GFOD2: variants seen among roughly 807,000 people sequenced by gnomAD.
The protein encoded by GFOD2 is Gfo/Idh/MocA-like oxidoreductase domain containing 2, also known as glucose-fructose oxidoreductase domain-containing protein 2.
In GFOD2, 9 loss-of-function variants were observed where a neutral mutation model predicts 24.6. The ratio of observed to expected loss-of-function variants is 0.37; its 90% CI spans 0.22 to 0.64. The LOEUF (loss-of-function observed/expected upper bound fraction) is 0.64. Among genes scored for constraint, GFOD2 ranks in the 30% least tolerant of loss-of-function variants. The pLI is 0.65. For synonymous variants in GFOD2, 211 were observed against 224.8 expected (o/e 0.94, Z 0.55); for missense variants, 476 against 532.5 (o/e 0.89, Z 1.04).
At chr16:67,685,826 G>C in intron 1 of GFOD2, 24 bp from the exon 2 acceptor site, 6 of 1,289,102 alleles carry the variant, frequency 4.7e-6, no homozygotes, top group Non-Finnish European at 6.4e-6. Flanking sequence ...CATTACACTG[G>C]TTATTACTGG....
chr16:67,684,081 T>A, intron 2 of GFOD2: 1 of 196,532 alleles, frequency 5.1e-6, no homozygotes, highest in Non-Finnish European at 9.2e-6. Context: ...ATTAAAAAAA[T>A]AATTGAGGCT....
chr16:67,706,735 AT>A (rs766691291), intron 1 of GFOD2, among the ~76,000 whole-genome samples: 2 of 152,188 alleles, frequency 1.3e-5, no homozygotes, highest in Non-Finnish European at 2.9e-5. Flanking sequence ...AAAATACATC[AT>A]TAAAAAAATG....
intron 1 of GFOD2, among the ~76,000 whole-genome samples, chr16:67,700,387 T>C (rs763910464): frequency 6.8e-6 from 1 of 146,988 alleles, no homozygotes. Flanking sequence ...AAAAAAAAAA[T>C]TAAATTTAAT....
chr16:67,701,785 TAAA>T (rs1423659211), intron 1 of GFOD2, among the ~76,000 whole-genome samples: 9 of 132,488 alleles, frequency 6.8e-5, no homozygotes, highest in African/African-American at 1.1e-4. Context: ...TGACCCCACT[TAAA>T]AAAAAAAAAA....
At chr16:67,688,734 C>CTTTT (rs113977188) in intron 1 of GFOD2, among the ~76,000 whole-genome samples, 4 of 131,108 alleles carry the variant, frequency 3.1e-5, no homozygotes, top group African/African-American at 5.8e-5. Flanking sequence ...ATAAAATTTA[C>CTTTT]TTTTTTTTTT....
chr16:67,708,746 A>T (rs192311902), intron 1 of GFOD2, among the ~76,000 whole-genome samples: 1 of 152,144 alleles, frequency 6.6e-6, no homozygotes, highest in African/African-American at 2.4e-5. Context: ...ATCCAGCCCC[A>T]CACCTTCCAG....
intron 1 of GFOD2, among the ~76,000 whole-genome samples, chr16:67,692,290 TACAC>T (rs997631055): frequency 7.0e-6 from 1 of 143,420 alleles, no homozygotes; most frequent in Non-Finnish European, 1.5e-5. Context: ...AAACTAAAAA[TACAC>T]ACACAGGCTG....
chr16:67,714,426 C>T (rs938993652), intron 1 of GFOD2, among the ~76,000 whole-genome samples: 3 of 143,874 alleles, frequency 2.1e-5, no homozygotes, highest in Non-Finnish European at 4.5e-5. Context: ...TGCAGTGAGC[C>T]GGGATTGTGC....
chr16:67,696,764 C>T (rs1326274774), intron 1 of GFOD2, among the ~76,000 whole-genome samples: 4 of 152,318 alleles, frequency 2.6e-5, no homozygotes, highest in South Asian at 4.1e-4. Context: ...TGAGCCACTG[C>T]GCCCGGCCGA....
At chr16:67,688,297 TAGA>T (rs778051703) in intron 1 of GFOD2, among the ~76,000 whole-genome samples, 18 of 152,222 alleles carry the variant, frequency 1.2e-4, no homozygotes, top group African/African-American at 4.3e-4. Flanking sequence ...TTCAATGCTG[TAGA>T]AGGACTAGAA....
intron 1 of GFOD2, among the ~76,000 whole-genome samples, chr16:67,699,432 G>C (rs2053383539): frequency 6.6e-6 from 1 of 152,080 alleles, no homozygotes; most frequent in South Asian, 2.1e-4. Context: ...TGCAAGGCTG[G>C]CTCAACATTC....
chr16:67,711,660 ACTAAACTC>A (rs1488133604), intron 1 of GFOD2, among the ~76,000 whole-genome samples: 2 of 152,204 alleles, frequency 1.3e-5, no homozygotes, highest in Admixed American at 1.3e-4. Flanking sequence ...AATGTCCAGA[ACTAAACTC>A]CTGATGTTTC....
chr16:67,683,791 G>A, intron 2 of GFOD2: 1 of 1,226,388 alleles, frequency 8.2e-7, no homozygotes, highest in Non-Finnish European at 1.0e-6. Context: ...TGGTCAGGAA[G>A]AGTGGAGGAC....
At chr16:67,700,653 AGT>A (rs2053395860) in intron 1 of GFOD2, among the ~76,000 whole-genome samples, 2 of 151,904 alleles carry the variant, frequency 1.3e-5, no homozygotes, top group Admixed American at 6.6e-5. Context: ...TAGAGGTTGC[AGT>A]GAACTGAGAT....
At chr16:67,704,052 C>T (rs977979138) in intron 1 of GFOD2, among the ~76,000 whole-genome samples, 2 of 152,144 alleles carry the variant, frequency 1.3e-5, no homozygotes, top group Admixed American at 1.3e-4. Context: ...AATAATATTC[C>T]GTCGTGTGTA....
intron 2 of GFOD2, chr16:67,680,704 T>A (rs1380533527): frequency 1.0e-6 from 1 of 982,228 alleles, no homozygotes; most frequent in Non-Finnish European, 1.2e-6. Flanking sequence ...GAACAAGGCA[T>A]GTGGATTGGT....
intron 1 of GFOD2, among the ~76,000 whole-genome samples, chr16:67,696,312 C>T (rs1186481903): frequency 3.3e-5 from 5 of 150,684 alleles, no homozygotes; most frequent in Non-Finnish European, 5.9e-5. Flanking sequence ...CGCGCCCGGC[C>T]GGGAATCTTT....
At chr16:67,685,401 A>C in intron 2 of GFOD2, 56 bp downstream of exon 2, 2 of 1,611,042 alleles carry the variant, frequency 1.2e-6, no homozygotes, top group Admixed American at 3.3e-5. Context: ...TGACCCTCAG[A>C]GGACTGCCCA....
intron 1 of GFOD2, among the ~76,000 whole-genome samples, chr16:67,710,367 G>A (rs916286978): frequency 6.6e-6 from 1 of 150,568 alleles, no homozygotes; most frequent in Non-Finnish European, 1.5e-5. Context: ...TGATCTGCCC[G>A]CCTTGGCCTC....
Sources: gnomAD v4.1 joint callset for allele counts (sites outside exome capture counted in the v4.1 genomes callset) on GRCh38, gnomAD v4.1.1 for gene constraint, MANE v1.5 for transcripts, NCBI Gene and HGNC (gene_info 2026-07-23, HGNC 2026-07-21) for gene names.